SHISA9: variants seen among roughly 807,000 people sequenced by gnomAD.
SHISA9 encodes shisa family member 9, also known as protein shisa-9.
A neutral mutation model predicts 38.0 loss-of-function variants in SHISA9; 13 were observed. The observed-to-expected ratio is 0.34, with a 90% confidence interval of 0.22 to 0.54. The LOEUF is 0.54. Among genes scored for constraint, SHISA9 ranks in the 20% least tolerant of loss-of-function variants. The pLI, the probability that SHISA9 is intolerant of heterozygous loss-of-function variation, is 0.91. For missense variants in SHISA9, 538 were observed against 575.8 expected (o/e 0.93, Z 0.67); for synonymous variants, 275 against 242.0 (o/e 1.14, Z -1.27).
rs947727559 is a variant in SHISA9, at chr16:13,141,707, A to G, written c.692-61687A>G. 2.0e-5 allele frequency among the ~76,000 whole-genome samples: 3 copies of G among 152,232 alleles called. No homozygotes were observed. In the East Asian group the frequency reaches 5.8e-4, roughly 29 times the overall value. On this transcript the variant is annotated intron_variant, in intron 2 of 4. Coordinates refer to ENST00000558583, the MANE Select transcript of SHISA9 (RefSeq NM_001145204.3). The stretch of plus-strand genomic sequence containing the variant: ...AAATATATATATATAATAAAATAAA[A>G]TAGTTTAGATTTACAGAAAACTTGC...
chr16:13,492,742 T>C, the SHISA9 span, among the ~76,000 whole-genome samples: 1 of 152,268 alleles, frequency 6.6e-6, no homozygotes, highest in South Asian at 2.1e-4. Context: ...AAAATGCTTT[T>C]GTTTCCAATA....
chr16:13,499,635 C>T, the SHISA9 span, among the ~76,000 whole-genome samples: 1 of 150,978 alleles, frequency 6.6e-6, no homozygotes, highest in Non-Finnish European at 1.5e-5. Flanking sequence ...AATAAAAAAA[C>T]ATTTATTTTT....
At chr16:13,301,062 C>A in the SHISA9 span, among the ~76,000 whole-genome samples, 1 of 152,148 alleles carries the variant, frequency 6.6e-6, no homozygotes, top group South Asian at 2.1e-4. Flanking sequence ...TTCAAAAATG[C>A]GGATTCACCC....
intron 2 of SHISA9, among the ~76,000 whole-genome samples, chr16:12,982,510 C>T (rs1373442659): frequency 6.6e-6 from 1 of 152,170 alleles, no homozygotes; most frequent in Non-Finnish European, 1.5e-5. Flanking sequence ...TTCTGGCATT[C>T]TCCTTTACAT....
At chr16:13,386,997 A>G in the SHISA9 span, among the ~76,000 whole-genome samples, 932 of 152,312 alleles carry the variant, frequency 6.1e-3, 15 homozygotes, top group African/African-American at 0.022. Context: ...TTCAGATGAT[A>G]TGTTGAGAGT....
At chr16:13,513,884 C>T in the SHISA9 span, among the ~76,000 whole-genome samples, 14 of 152,130 alleles carry the variant, frequency 9.2e-5, no homozygotes, top group Non-Finnish European at 1.6e-4. Flanking sequence ...GCATGCAGGG[C>T]TTAAAACTTA....
chr16:13,380,097 G>A, the SHISA9 span, among the ~76,000 whole-genome samples: 4 of 151,668 alleles, frequency 2.6e-5, no homozygotes, highest in African/African-American at 7.3e-5. Flanking sequence ...AGAACACAGA[G>A]ATACATACAT....
Position 12,993,162 on chromosome 16 carries a change from G to A in SHISA9, c.691+76347G>A, listed in dbSNP as rs200276297. ...GAGAATGGGTAGCATCGGCCTGTCC[G>A]TGAGGCTCCCAGGCACCTACCCTCA... On this transcript the variant is annotated intron_variant, in intron 2 of 4. Transcript: ENST00000558583. Among the ~76,000 whole-genome samples, 131 of 152,310 alleles carry A rather than the reference G, an allele frequency of 8.6e-4. 1 individual carries two copies. Among genetic ancestry groups the A allele is most frequent in the African/African-American group, 2.7e-3 (111 of 41,560 alleles).
the SHISA9 span, among the ~76,000 whole-genome samples, chr16:13,376,555 C>T: frequency 6.6e-6 from 1 of 152,160 alleles, no homozygotes; most frequent in Non-Finnish European, 1.5e-5. Flanking sequence ...AGTAAAGTTG[C>T]AGAAAATTGA....
chr16:13,000,636 G>A (rs1402902055), intron 2 of SHISA9, among the ~76,000 whole-genome samples: 1 of 152,142 alleles, frequency 6.6e-6, no homozygotes, highest in African/African-American at 2.4e-5. Flanking sequence ...GGCAGAAGGG[G>A]TCCCCAGGAG....
chr16:13,460,825 C>G, the SHISA9 span, among the ~76,000 whole-genome samples: 1 of 152,158 alleles, frequency 6.6e-6, no homozygotes, highest in Non-Finnish European at 1.5e-5. Context: ...ATGCAGAATA[C>G]TACGGTTAGG....
chr16:13,037,525 A>C (rs2073089054), intron 2 of SHISA9, among the ~76,000 whole-genome samples: 2 of 152,112 alleles, frequency 1.3e-5, no homozygotes, highest in Admixed American at 1.3e-4. Context: ...GGGTATGGAC[A>C]GGATGGTGGA....
At chr16:12,975,467 C>T (rs2072145558) in intron 2 of SHISA9, among the ~76,000 whole-genome samples, 1 of 152,128 alleles carries the variant, frequency 6.6e-6, no homozygotes, top group East Asian at 1.9e-4. Context: ...TGCGCCACTG[C>T]ACTCCAGCCC....
chr16:13,461,895 G>T, the SHISA9 span, among the ~76,000 whole-genome samples: 1 of 151,986 alleles, frequency 6.6e-6, no homozygotes, highest in Admixed American at 6.5e-5. Context: ...TTACAGGCGT[G>T]AGCCACCGTG....
At chr16:13,540,046 T>C in the SHISA9 span, among the ~76,000 whole-genome samples, 3 of 152,182 alleles carry the variant, frequency 2.0e-5, no homozygotes, top group Admixed American at 1.3e-4. Flanking sequence ...GTGAATAGAA[T>C]ACTGTGATGA....
the SHISA9 span, among the ~76,000 whole-genome samples, chr16:13,413,057 A>G: frequency 5.9e-5 from 9 of 152,206 alleles, no homozygotes; most frequent in African/African-American, 1.9e-4. Flanking sequence ...CAGAAAAAGA[A>G]GGGATTAACT....
chr16:13,125,361 T>C (rs764893112), intron 2 of SHISA9, among the ~76,000 whole-genome samples: 3 of 152,200 alleles, frequency 2.0e-5, no homozygotes, highest in Non-Finnish European at 2.9e-5. Flanking sequence ...TGGGATGAGG[T>C]GTCCTGGGTG....
chr16:13,357,274 G>A, the SHISA9 span, among the ~76,000 whole-genome samples: 152 of 152,252 alleles, frequency 1.0e-3, no homozygotes, highest in Non-Finnish European at 1.8e-3. Context: ...TTGGGTTCAC[G>A]GATAAAACAT....
At chr16:13,384,522 AG>A in the SHISA9 span, among the ~76,000 whole-genome samples, 2 of 152,206 alleles carry the variant, frequency 1.3e-5, no homozygotes, top group African/African-American at 4.8e-5. Flanking sequence ...GGATATAAGA[AG>A]AGCAATGGTA....
Sources: allele counts gnomAD v4.1 joint callset (sites outside exome capture counted in the v4.1 genomes callset), GRCh38; gene constraint gnomAD v4.1.1; transcripts MANE v1.5; gene names NCBI Gene and HGNC (gene_info 2026-07-23, HGNC 2026-07-21).